Variants in CARS2 observed in about 807,000 individuals in gnomAD.
CARS2 encodes probable cysteine--tRNA ligase, mitochondrial.
A neutral mutation model predicts 68.8 loss-of-function variants in CARS2; 52 were observed. The observed-to-expected ratio is 0.76, with a 90% CI of 0.61 to 0.95. The LOEUF (loss-of-function observed/expected upper bound fraction) is 0.95, where lower values mean the gene tolerates loss of function less well. Ranked by LOEUF, CARS2 falls within the 40% of genes least tolerant of loss-of-function variation. The pLI is 0.00. For synonymous variants in CARS2, 314 were observed against 303.6 expected, an observed-to-expected ratio of 1.03 and a Z score of -0.36; for missense variants, 780 against 754.2, an observed-to-expected ratio of 1.03 and a Z score of -0.40.
intron 1 of CARS2, chr13:110,713,059 G>C: frequency 6.8e-7 from 1 of 1,460,878 alleles, no homozygotes; most frequent in Non-Finnish European, 9.0e-7. Context: ...ACTTCCGCCC[G>C]TGCCCGGCCC....
intron 9 of CARS2, among the ~76,000 whole-genome samples, chr13:110,652,048 C>A (rs1445075023): frequency 6.6e-6 from 1 of 152,248 alleles, no homozygotes. Flanking sequence ...TGACCAAAGC[C>A]CCCTTTCCTG....
At chr13:110,642,914 G>A in intron 13 of CARS2, 1 of 417,302 alleles carries the variant, frequency 2.4e-6, no homozygotes, top group Non-Finnish European at 4.6e-6. Flanking sequence ...TTGCACACGT[G>A]TGTTTCGGCA....
At chr13:110,683,295 G>A (rs1410347175) in intron 5 of CARS2, among the ~76,000 whole-genome samples, 161 bp from the exon 6 acceptor site, 1 of 152,164 alleles carries the variant, frequency 6.6e-6, no homozygotes, top group Non-Finnish European at 1.5e-5. Flanking sequence ...GGGTCTTGCT[G>A]TTGCTCAGGC....
At position 110,705,154 on chromosome 13, in the gene CARS2, T is replaced by C. The variant is rs1315587528; in HGVS notation, c.275+367A>G. Among the ~76,000 whole-genome samples the C allele has an allele frequency of 1.3e-5, 2 of 152,144 alleles. No homozygotes were observed. Among genetic ancestry groups the C allele is most frequent in the African/African-American group, 4.8e-5 (2 of 41,414 alleles). On this transcript the variant is annotated intron_variant, in intron 2 of 14. Transcript: ENST00000257347. The surrounding 1 kb of genome is among the most constrained non-coding windows in gnomAD (Gnocchi z 4.0). ...ATGAAGAAACCAGGACTCAAAGCAA[T>C]AAAGTGACCTGCTCAGTGCTGTGAA...
At chr13:110,646,742 G>C in intron 11 of CARS2, 1 of 214,682 alleles carries the variant, frequency 4.7e-6, no homozygotes. Flanking sequence ...AGGGGGCTCA[G>C]AGCCCGAGGG....
chr13:110,712,786 G>A (rs753844380), intron 1 of CARS2: 13 of 725,620 alleles, frequency 1.8e-5, no homozygotes, highest in South Asian at 1.2e-4. Flanking sequence ...AAGGCCTAGG[G>A]AAGGCGCCCC....
chr13:110,653,449 T>C lies in CARS2; in HGVS notation c.988-2349A>G, dbSNP rs1227326619. ...CACAGCCATGTCCTGCCGGTTTCAG[T>C]TCAGGTTGCGCCCTATTTAGGTCTC... On this transcript the variant is annotated intron_variant, in intron 9 of 14. Coordinates refer to ENST00000257347, the MANE Select transcript of CARS2 (RefSeq NM_024537.4). This position sits in a 1 kb window ranked among gnomAD's most constrained non-coding sequence, Gnocchi z 5.6. Among the ~76,000 whole-genome samples the C allele has an allele frequency of 6.6e-6, 1 of 152,166 alleles. No homozygotes were observed. Among genetic ancestry groups the C allele is most frequent in the African/African-American group, 2.4e-5 (1 of 41,446 alleles).
chr13:110,678,397 C>G (rs1161556160), intron 6 of CARS2, among the ~76,000 whole-genome samples: 1 of 152,162 alleles, frequency 6.6e-6, no homozygotes, highest in Non-Finnish European at 1.5e-5. Context: ...AGGACAGGCA[C>G]ACCCCATGTG....
At position 110,688,021 on chromosome 13, in the gene CARS2, G is replaced by C. The variant is rs1243440904; in HGVS notation, c.394-3C>G. On this transcript the variant is annotated splice_polypyrimidine_tract_variant and splice_region_variant and intron_variant, in intron 3 of 14. Transcript: ENST00000257347. ...AGGGAAGCGGGGGAAATATTCATCT[G>C]CAGAAGGATTAGATGTGCACGTTAA... 1 of 1,604,620 alleles carries C rather than the reference G, an allele frequency of 6.2e-7. No homozygotes were observed. Among genetic ancestry groups the C allele is most frequent in the Non-Finnish European group, 8.5e-7 (1 of 1,173,208 alleles).
chr13:110,641,668 C>T, intron 14 of CARS2, 60 bp from the exon 15 acceptor site: 1 of 1,347,146 alleles, frequency 7.4e-7, no homozygotes, highest in Non-Finnish European at 1.1e-6. Context: ...GCACAGGGGG[C>T]TGACAGGCGT....
chr13:110,666,384 C>T (rs767318890), intron 8 of CARS2: 27 of 985,254 alleles, frequency 2.7e-5, no homozygotes, highest in Admixed American at 6.2e-5. Context: ...CAAACAGCCA[C>T]GCAGCCAGCT....
chr13:110,706,055 C>CG lies in CARS2; in HGVS notation c.38dup (p.Leu14AlafsTer64), dbSNP rs1412483498. ...CAAGGCCCAGCGCGGCCTGGAGCAG[C>CG]GGGGGGCCCAGGCCTGGGCCGCGCG... On this transcript the variant is annotated frameshift_variant, in exon 1 of 15. Transcript: ENST00000257347. LOFTEE classifies it high-confidence loss of function. The CG allele has an allele frequency of 1.3e-5, 18 of 1,360,210 alleles. No individual in the cohort carries two copies. The highest frequency in any genetic ancestry group is 5.4e-5 in the South Asian group (3 of 55,384). 84.3% of individuals were successfully genotyped at this position (1,360,210 alleles called of 1,614,324 possible).
chr13:110,712,961 G>A (rs746778912), intron 1 of CARS2: 36 of 1,559,998 alleles, frequency 2.3e-5, no homozygotes, highest in South Asian at 1.8e-4. Context: ...GGGAGTGGTG[G>A]TCCGGCCGCG....
At chr13:110,684,613 T>C (rs2063245118) in intron 5 of CARS2, among the ~76,000 whole-genome samples, 1 of 148,990 alleles carries the variant, frequency 6.7e-6, no homozygotes, top group Admixed American at 6.7e-5. Context: ...AACCCTGCCC[T>C]GTCCCTGCAG....
At chr13:110,700,137 GAT>G (rs2139921590) in intron 3 of CARS2, among the ~76,000 whole-genome samples, 1 of 152,362 alleles carries the variant, frequency 6.6e-6, no homozygotes, top group South Asian at 2.1e-4. Flanking sequence ...TCTTCTGCAA[GAT>G]GGGGACACAT....
upstream of CARS2, among the ~76,000 whole-genome samples, chr13:110,709,505 G>A (rs1488519747): frequency 1.3e-5 from 2 of 152,106 alleles, no homozygotes; most frequent in Non-Finnish European, 2.9e-5. Context: ...ATATCTGCAG[G>A]TTGAATATTA....
At chr13:110,642,729 T>A (rs1326343024) in intron 13 of CARS2, 2 of 756,698 alleles carry the variant, frequency 2.6e-6, no homozygotes, top group Non-Finnish European at 4.8e-6. Flanking sequence ...ACTCTGAGCA[T>A]CTGTCGTCCA....
intron 6 of CARS2, among the ~76,000 whole-genome samples, chr13:110,680,958 C>T (rs997514962): frequency 6.6e-6 from 1 of 152,210 alleles, no homozygotes; most frequent in African/African-American, 2.4e-5. Context: ...TCGGCCAGGG[C>T]GTGGGACCCG....
chr13:110,704,257 G>A (rs1460768983), intron 2 of CARS2, among the ~76,000 whole-genome samples: 1 of 152,172 alleles, frequency 6.6e-6, no homozygotes, highest in Non-Finnish European at 1.5e-5. Context: ...GGCTTATTCA[G>A]TAACAGAACT....
Sources: allele counts gnomAD v4.1 joint callset (sites outside exome capture counted in the v4.1 genomes callset), GRCh38; gene constraint gnomAD v4.1.1; non-coding constraint Gnocchi (gnomAD v3.1); transcripts MANE v1.5; gene names NCBI Gene and HGNC (gene_info 2026-07-23, HGNC 2026-07-21).